CYB5D1: variants seen among roughly 807,000 people sequenced by gnomAD.
CYB5D1 encodes cytochrome b5 domain containing 1, also known as cytochrome b5 domain-containing protein 1.
In CYB5D1, 30 loss-of-function variants were observed where a neutral mutation model predicts 24.3. That is an observed-to-expected ratio of 1.23 (90% CI 0.92 to 1.67). CYB5D1 has a LOEUF of 1.67. Ranked by LOEUF, CYB5D1 falls within the 40% of genes most tolerant of loss-of-function variation. CYB5D1 has a pLI of 0.00. For synonymous variants in CYB5D1, 128 were observed against 123.2 expected, an observed-to-expected ratio of 1.04 and a Z score of -0.26; for missense variants, 265 against 296.7, an observed-to-expected ratio of 0.89 and a Z score of 0.79.
chr17:7,858,805 C>A lies in CYB5D1; in HGVS notation c.437C>A (p.Ser146Ter), dbSNP rs755928080. The change falls in exon 3 of 4, where the codon TCG becomes TAG. Residue 146 changes from serine to a stop codon, truncating the protein, a stop_gained. Coordinates refer to ENST00000332439, the MANE Select transcript of CYB5D1 (RefSeq NM_144607.6). LOFTEE classifies it high-confidence loss of function. ...RSIRIINTLTSQEHTLEVGVL... is the reference protein window; with the variant it reads ...RSIRIINTLT ...ATCCGCATCATTAACACGCTCACGT[C>A]GCAGGAGCACACACTGGAGGTGAGA... 6.4e-7 allele frequency: 1 copy of A among 1,555,534 alleles called. No individual in the cohort carries two copies. Among genetic ancestry groups the A allele is most frequent in the Non-Finnish European group, 8.7e-7 (1 of 1,150,078 alleles).
Position 7,858,438 on chromosome 17 carries a change from G to T in CYB5D1, c.196G>T (p.Gly66Cys). 8 of 1,614,222 alleles carry T rather than the reference G, an allele frequency of 5.0e-6. No homozygotes were observed. The highest frequency in any genetic ancestry group is 5.9e-6 in the Non-Finnish European group (7 of 1,180,044). Residue 66 changes from glycine (G) to cysteine (C), a missense_variant, in exon 2 of 4, where the codon GGC (glycine) becomes TGC (cysteine). Transcript: ENST00000332439. ...LLLKPIVEVA[G>C]QDISHWFDPK... is the part of the protein sequence containing the mutation. ...GCTGAAACCCATCGTGGAAGTTGCA[G>T]GCCAGGATATCAGCCACTGGTTTGA...
chr17:7,858,004 A>G lies in CYB5D1; in HGVS notation c.-131A>G, dbSNP rs1473403866. ...AGTGGACGGTGGCCGGAAAAGGACA[A>G]TGGTTTCCATGTCAGCGGATAAACG... On this transcript the variant is annotated 5_prime_UTR_variant, in exon 1 of 4. It removes an upstream start codon present in the reference 5' UTR. Coordinates refer to ENST00000332439, the MANE Select transcript of CYB5D1 (RefSeq NM_144607.6). The G allele has an allele frequency of 2.6e-6, 4 of 1,517,292 alleles. No homozygotes were observed. The highest frequency in any genetic ancestry group is 2.5e-5 in the South Asian group (2 of 78,824). 94.0% of individuals were successfully genotyped at this position (1,517,292 alleles called of 1,614,324 possible).
Position 7,859,267 on chromosome 17 carries a change from G to A in CYB5D1, c.457-115G>A, listed in dbSNP as rs1345262397. 2.3e-5 allele frequency: 18 copies of A among 771,994 alleles called. No individual in the cohort carries two copies. In the Admixed American group the frequency reaches 4.4e-4, roughly 19 times the overall value. 47.8% of individuals were successfully genotyped at this position (771,994 alleles called of 1,614,324 possible). A position where few individuals can be genotyped will look rare whatever the true frequency, so the allele number is the denominator to read the frequency against. On this transcript the variant is annotated intron_variant, in intron 3 of 3. Coordinates refer to ENST00000332439, the MANE Select transcript of CYB5D1 (RefSeq NM_144607.6). ...GCTGGAGTTTCAGCTTTTTTTTCCC[G>A]GGGCCGTAGAGTACCTGAAGCTGCT...
At position 7,859,734 on chromosome 17, in the gene CYB5D1, G is replaced by A; in HGVS notation, c.*122G>A. On this transcript the variant is annotated 3_prime_UTR_variant, in exon 4 of 4. Transcript: ENST00000332439. ...CCCAGATCTCCACTCCTCTCCAGGA[G>A]CTAGCCTGTGCCCTTCTGAAGTGTA... 1.3e-6 allele frequency: 1 copy of A among 799,438 alleles called. No homozygotes were observed. Among genetic ancestry groups the A allele is most frequent in the South Asian group, 1.6e-5 (1 of 62,506 alleles). The allele number at this position is 799,438 out of a possible 1,614,324, so 49.5% of individuals were successfully genotyped here. A position where few individuals can be genotyped will look rare whatever the true frequency, so the allele number is the denominator to read the frequency against.
In CYB5D1 at chr17:7,858,228, G is replaced by C; in HGVS notation, c.94G>C (p.Glu32Gln). ...GGAGGTGGCCCAACATAACAGGCCCGAAGACCTCTGGGTATCTTACCTGGG... is the reference window on the plus strand; with the variant it reads ...GGAGGTGGCCCAACATAACAGGCCCCAAGACCTCTGGGTATCTTACCTGGG... The part of the protein sequence containing the change: ...PAEVAQHNRP[E>Q]DLWVSYLGRV... Residue 32 changes from glutamate (E) to glutamine (Q), a missense_variant, in exon 1 of 4, where the codon GAA becomes CAA. By Grantham distance (29) the Glu-to-Gln change is conservative. Transcript: ENST00000332439. The C allele has an allele frequency of 6.2e-7, 1 of 1,614,014 alleles. No homozygotes were observed.
chr17:7,859,933 G>A lies in CYB5D1; in HGVS notation c.*321G>A, dbSNP rs2078870546. ...GAGAGAGTAGTTCTACAGGGGTGAG[G>A]GATGGAAGGACTTTTTTGGCAATGA... On this transcript the variant is annotated 3_prime_UTR_variant, in exon 4 of 4. Transcript: ENST00000332439. The A allele has an allele frequency of 1.1e-5, 3 of 272,960 alleles. No individual in the cohort carries two copies. Among genetic ancestry groups the A allele is most frequent in the Admixed American group, 4.9e-5 (1 of 20,536 alleles). 16.9% of individuals were successfully genotyped at this position (272,960 alleles called of 1,614,324 possible).
In CYB5D1 at chr17:7,858,568, G is replaced by A. The variant is rs759572283; in HGVS notation, c.238-38G>A. 2.5e-6 allele frequency: 4 copies of A among 1,610,378 alleles called. No homozygotes were observed. The Admixed American group carries it at 6.7e-5, about 27-fold the overall frequency. ...GGCGGAGGCTAGCCAGAGCCTAATG[G>A]CTGCTCTGACACCCTCGCCCCAAAC... is the stretch of plus-strand genomic sequence containing the variant. On this transcript the variant is annotated intron_variant, in intron 2 of 3. Transcript: ENST00000332439.
In CYB5D1 at chr17:7,860,809, T is replaced by C. The variant is rs1361097308; in HGVS notation, c.*1197T>C. ...GTTAAGCAATAGCTATTGGGGCTAC[T>C]TCTTTGTTAATCCCATACCCCAGAT... On this transcript the variant is annotated 3_prime_UTR_variant, in exon 4 of 4. Coordinates refer to ENST00000332439, the MANE Select transcript of CYB5D1 (RefSeq NM_144607.6). 1 of 152,126 alleles carries C rather than the reference T, an allele frequency of 6.6e-6. No homozygotes were observed. The highest frequency in any genetic ancestry group is 2.4e-5 in the African/African-American group (1 of 41,452). The allele number at this position is 152,126 out of a possible 1,614,324, so 9.4% of individuals were successfully genotyped here.
In CYB5D1 at chr17:7,859,529, G is replaced by C. The variant is rs766178301; in HGVS notation, c.604G>C (p.Glu202Gln). ...EENGIRDEEE[E>Q]FDYLSMDGTL... Reference sequence around the variant, plus strand: ...GAATGGGATCCGGGATGAGGAGGAAGAATTTGACTATCTCAGTATGGACGG... The same window carrying C: ...GAATGGGATCCGGGATGAGGAGGAACAATTTGACTATCTCAGTATGGACGG... The change falls in exon 4 of 4, where the codon GAA becomes CAA. Residue 202 changes from glutamate (E) to glutamine (Q), a missense_variant. By Grantham distance (29) the Glu-to-Gln change is conservative. Transcript: ENST00000332439. 16 of 1,614,042 alleles carry C rather than the reference G, an allele frequency of 9.9e-6. No homozygotes were observed. The Admixed American group carries it at 2.5e-4, about 25-fold the overall frequency.
At chr17:7,859,325 G>T in intron 3 of CYB5D1, 57 bp from the exon 4 acceptor site, 2 of 1,406,322 alleles carry the variant, frequency 1.4e-6, no homozygotes, top group Admixed American at 3.6e-5. Context: ...ATCCCAGCGT[G>T]TGTATATGTA....
chr17:7,858,521 G>A (rs368682739), intron 2 of CYB5D1, 42 bp downstream of exon 2: 1 of 1,613,878 alleles, frequency 6.2e-7, no homozygotes, highest in African/African-American at 1.3e-5. Flanking sequence ...AGAGGAAATG[G>A]AGAGCGGGGA....
In CYB5D1 at chr17:7,859,491, T is replaced by C. The variant is rs979663463; in HGVS notation, c.566T>C (p.Phe189Ser). ...GAAGGGAAGAACCTGAACATGGATTTTACCCTGGAAGAGAATGGGATCCGG... is the reference window on the plus strand; with the variant it reads ...GAAGGGAAGAACCTGAACATGGATTCTACCCTGGAAGAGAATGGGATCCGG... ...KYEGKNLNMD[F>S]TLEENGIRDE... Residue 189 changes from phenylalanine to serine, a missense_variant, in exon 4 of 4, where the codon TTT (phenylalanine) becomes TCT (serine). Physicochemically the swap from Phe to Ser is radical, Grantham distance 155. Transcript: ENST00000332439. 6 of 1,614,170 alleles carry C rather than the reference T, an allele frequency of 3.7e-6. No homozygotes were observed. Among genetic ancestry groups the C allele is most frequent in the Non-Finnish European group, 5.1e-6 (6 of 1,180,036 alleles).
rs2078854199 is a variant in CYB5D1, at chr17:7,858,589, C to T, written c.238-17C>T. 1 of 1,607,488 alleles carries T rather than the reference C, an allele frequency of 6.2e-7. No individual in the cohort carries two copies. The highest frequency in any genetic ancestry group is 8.5e-7 in the Non-Finnish European group (1 of 1,175,142). On this transcript the variant is annotated splice_polypyrimidine_tract_variant and intron_variant, in intron 2 of 3. Transcript: ENST00000332439. ...AATGGCTGCTCTGACACCCTCGCCC[C>T]AAACCCTCCTTTAAAGATCCGCAAG...
chr17:7,861,129 G>A lies in CYB5D1; in HGVS notation c.*1517G>A, dbSNP rs1015065685. 1.3e-5 allele frequency: 2 copies of A among 152,120 alleles called. No homozygotes were observed. Among genetic ancestry groups the A allele is most frequent in the African/African-American group, 4.8e-5 (2 of 41,420 alleles). The allele number at this position is 152,120 out of a possible 1,614,324, so 9.4% of individuals were successfully genotyped here. A position where few individuals can be genotyped will look rare whatever the true frequency, so the allele number is the denominator to read the frequency against. On this transcript the variant is annotated 3_prime_UTR_variant, in exon 4 of 4. Transcript: ENST00000332439. Reference sequence around the variant, plus strand: ...TTTGGTCTCCTTTAACTTAAGGAGGGGAGATTTGAGAATGACAGACAGTTG... The same window carrying A: ...TTTGGTCTCCTTTAACTTAAGGAGGAGAGATTTGAGAATGACAGACAGTTG...
chr17:7,859,347 G>T, intron 3 of CYB5D1, 35 bp from the exon 4 acceptor site: 1 of 1,573,112 alleles, frequency 6.4e-7, no homozygotes, highest in Non-Finnish European at 8.7e-7. Flanking sequence ...ACTCCATCCA[G>T]AATTCTGGGG....
chr17:7,858,015 G>A lies in CYB5D1; in HGVS notation c.-120G>A, dbSNP rs2078845584. ...GCCGGAAAAGGACAATGGTTTCCATGTCAGCGGATAAACGCTCTCCCCTCG... is the reference window on the plus strand; with the variant it reads ...GCCGGAAAAGGACAATGGTTTCCATATCAGCGGATAAACGCTCTCCCCTCG... On this transcript the variant is annotated 5_prime_UTR_variant, in exon 1 of 4. The change abolishes an upstream ATG in the 5' untranslated region. Coordinates refer to ENST00000332439, the MANE Select transcript of CYB5D1 (RefSeq NM_144607.6). The A allele has an allele frequency of 6.6e-6, 10 of 1,526,402 alleles. No homozygotes were observed. In the Admixed American group the frequency reaches 1.2e-4, roughly 18 times the overall value. 94.6% of individuals were successfully genotyped at this position (1,526,402 alleles called of 1,614,324 possible). A position where few individuals can be genotyped will look rare whatever the true frequency, so the allele number is the denominator to read the frequency against.
At chr17:7,858,999 G>C in intron 3 of CYB5D1, 175 bp downstream of exon 3, 1 of 596,910 alleles carries the variant, frequency 1.7e-6, no homozygotes, top group Non-Finnish European at 2.8e-6. Flanking sequence ...GGAATTCTAG[G>C]AGTGTCTGGG....
chr17:7,858,922 G>A (rs1422086597), intron 3 of CYB5D1, 98 bp downstream of exon 3: 1 of 1,161,450 alleles, frequency 8.6e-7, no homozygotes, highest in Non-Finnish European at 1.2e-6. Context: ...TAACCGGTGG[G>A]AGTGTATTTT....
chr17:7,859,168 C>A, intron 3 of CYB5D1: 2 of 601,044 alleles, frequency 3.3e-6, no homozygotes, highest in South Asian at 4.1e-5. Context: ...GGACAGTTGA[C>A]CCTTTATGGC....
Sources: gnomAD v4.1 joint callset for allele counts on GRCh38, gnomAD v4.1.1 for gene constraint, MANE v1.5 for transcripts, NCBI Gene and HGNC (gene_info 2026-07-23, HGNC 2026-07-21) for gene names.